Variants in SPMIP2 observed in about 807,000 individuals in gnomAD.
SPMIP2 encodes sperm microtubule inner protein 2, also known as protein SPMIP2.
the SPMIP2 span, among the ~76,000 whole-genome samples, chr4:159,002,442 T>G: frequency 7.6e-4 from 115 of 152,296 alleles, 1 homozygote; most frequent in African/African-American, 2.7e-3. Context: ...AATTATTTTT[T>G]GTAGAGATGG....
chr4:159,054,558 C>T, the SPMIP2 span, among the ~76,000 whole-genome samples: 1 of 152,218 alleles, frequency 6.6e-6, no homozygotes, highest in Non-Finnish European at 1.5e-5. Flanking sequence ...CCCCAGTCCA[C>T]TTTCCTCCAG....
chr4:158,895,581 T>C, the SPMIP2 span, among the ~76,000 whole-genome samples: 3 of 152,232 alleles, frequency 2.0e-5, no homozygotes, highest in African/African-American at 4.8e-5. Flanking sequence ...AACCTATTCT[T>C]ATACCTGGTA....
the SPMIP2 span, among the ~76,000 whole-genome samples, chr4:158,984,848 G>GT: frequency 1.2e-3 from 184 of 151,782 alleles, 1 homozygote; most frequent in African/African-American, 4.3e-3. Context: ...CCAGAAGCTG[G>GT]TTTTTTGAAA....
the SPMIP2 span, chr4:158,960,165 A>G: frequency 9.4e-6 from 6 of 637,044 alleles, no homozygotes; most frequent in Admixed American, 1.4e-4. Context: ...TAAATTTATC[A>G]AAAACCTACA....
chr4:158,941,595 G>T, the SPMIP2 span, among the ~76,000 whole-genome samples: 2 of 152,254 alleles, frequency 1.3e-5, no homozygotes, highest in African/African-American at 4.8e-5. Flanking sequence ...GGAGTTCAAG[G>T]CTGCTGTGAG....
the SPMIP2 span, among the ~76,000 whole-genome samples, chr4:159,060,260 C>A: frequency 6.6e-6 from 1 of 152,092 alleles, no homozygotes; most frequent in Non-Finnish European, 1.5e-5. Context: ...AAGAGGGACA[C>A]GGATTCAGAG....
chr4:158,948,875 A>G, the SPMIP2 span, among the ~76,000 whole-genome samples: 1 of 152,118 alleles, frequency 6.6e-6, no homozygotes, highest in East Asian at 1.9e-4. Context: ...AAGTTCTAGA[A>G]TTACAGGCAA....
chr4:158,978,911 A>G, the SPMIP2 span, among the ~76,000 whole-genome samples: 2 of 152,134 alleles, frequency 1.3e-5, no homozygotes, highest in East Asian at 3.9e-4. Context: ...TGGGAGATCC[A>G]TTGCTCTCTT....
At chr4:159,028,963 C>T in the SPMIP2 span, among the ~76,000 whole-genome samples, 17 of 152,096 alleles carry the variant, frequency 1.1e-4, no homozygotes, top group East Asian at 3.1e-3. Context: ...GGCGTGGTGG[C>T]GCACACCTGA....
At chr4:159,024,740 A>G in the SPMIP2 span, among the ~76,000 whole-genome samples, 1 of 152,210 alleles carries the variant, frequency 6.6e-6, no homozygotes. Context: ...AATATTTTTA[A>G]TGGAACTTGT....
chr4:158,976,545 ATGT>A, the SPMIP2 span, among the ~76,000 whole-genome samples: 2 of 151,320 alleles, frequency 1.3e-5, no homozygotes, highest in Non-Finnish European at 2.9e-5. Flanking sequence ...TGAGATAATC[ATGT>A]TGTTTTTGTC....
At chr4:158,934,273 C>T in the SPMIP2 span, among the ~76,000 whole-genome samples, 1 of 152,018 alleles carries the variant, frequency 6.6e-6, no homozygotes, top group African/African-American at 2.4e-5. Context: ...CAAGCCTGGC[C>T]AAACAGGTGA....
At chr4:158,957,323 G>C in the SPMIP2 span, among the ~76,000 whole-genome samples, 1 of 152,098 alleles carries the variant, frequency 6.6e-6, no homozygotes, top group East Asian at 1.9e-4. Context: ...TCTCCCCATT[G>C]CTTTCTATAC....
the SPMIP2 span, among the ~76,000 whole-genome samples, chr4:158,955,202 T>C: frequency 6.6e-6 from 1 of 152,150 alleles, no homozygotes; most frequent in African/African-American, 2.4e-5. Flanking sequence ...ATAACTGCAC[T>C]GTCTCTCCAT....
the SPMIP2 span, among the ~76,000 whole-genome samples, chr4:158,972,757 G>T: frequency 3.3e-5 from 5 of 152,204 alleles, no homozygotes; most frequent in Non-Finnish European, 5.9e-5. Flanking sequence ...CATCGTCCAC[G>T]CATGAAGCAG....
the SPMIP2 span, among the ~76,000 whole-genome samples, chr4:158,912,648 A>T: frequency 1.1e-4 from 17 of 152,336 alleles, no homozygotes; most frequent in East Asian, 2.9e-3. Context: ...ATGTAAGAAC[A>T]TTTGTTCCAA....
chr4:158,910,992 G>A, the SPMIP2 span, among the ~76,000 whole-genome samples: 1 of 152,184 alleles, frequency 6.6e-6, no homozygotes, highest in Admixed American at 6.5e-5. Context: ...ATGGAGTTGA[G>A]TAGGATCAGA....
the SPMIP2 span, chr4:158,907,021 T>G: frequency 1.3e-5 from 2 of 152,274 alleles, no homozygotes; most frequent in African/African-American, 4.8e-5. Flanking sequence ...CTTCAACTTT[T>G]AAGTCTTACC....
chr4:158,985,903 A>C, the SPMIP2 span, among the ~76,000 whole-genome samples: 1 of 151,490 alleles, frequency 6.6e-6, no homozygotes, highest in Non-Finnish European at 1.5e-5. Flanking sequence ...TCAGCCCAAA[A>C]TCTCCTTAAG....
Sources: gnomAD v4.1 joint callset for allele counts (sites outside exome capture counted in the v4.1 genomes callset) on GRCh38, gnomAD v4.1.1 for gene constraint, MANE v1.5 for transcripts, NCBI Gene and HGNC (gene_info 2026-07-23, HGNC 2026-07-21) for gene names.